ZNRF3: variants seen among roughly 807,000 people sequenced by gnomAD.
The protein encoded by ZNRF3 is E3 ubiquitin-protein ligase ZNRF3.
Under a neutral mutation model 72.5 loss-of-function variants are expected in ZNRF3, and 23 were observed. The ratio of observed to expected loss-of-function variants is 0.32; its 90% CI spans 0.23 to 0.45. The LOEUF (loss-of-function observed/expected upper bound fraction) is 0.45. Among genes scored for constraint, ZNRF3 ranks in the 20% least tolerant of loss-of-function variants. The pLI is 1.00. For missense variants in ZNRF3, 1,169 were observed against 1,272.1 expected (o/e 0.92, Z 1.23); for synonymous variants, 610 against 545.3 (o/e 1.12, Z -1.65).
At chr22:28,920,809 C>A in intron 1 of ZNRF3, among the ~76,000 whole-genome samples, 1 of 152,212 alleles carries the variant, frequency 6.6e-6, no homozygotes, top group Non-Finnish European at 1.5e-5. Context: ...GAATCCTTAG[C>A]TGTAGGCTTT....
chr22:28,965,692 G>A (rs183403548), intron 1 of ZNRF3, among the ~76,000 whole-genome samples: 3 of 152,328 alleles, frequency 2.0e-5, no homozygotes, highest in Middle Eastern at 3.4e-3. Context: ...AGATAGAGAA[G>A]ACTCTGAAAG....
intron 1 of ZNRF3, among the ~76,000 whole-genome samples, 166 bp downstream of exon 1, chr22:28,884,232 G>C (rs2033725293): frequency 6.6e-6 from 1 of 151,696 alleles, no homozygotes; most frequent in Non-Finnish European, 1.5e-5. Context: ...GGCGGGACGC[G>C]GCCTCCGGGG....
chr22:28,967,287 C>A (rs2035486781), intron 1 of ZNRF3, among the ~76,000 whole-genome samples: 1 of 152,160 alleles, frequency 6.6e-6, no homozygotes, highest in Non-Finnish European at 1.5e-5. Context: ...AGTACAGTAA[C>A]ATGCTGTACA....
chr22:29,020,249 CTTTTTT>C (rs756716817), intron 2 of ZNRF3, among the ~76,000 whole-genome samples: 8 of 91,772 alleles, frequency 8.7e-5, no homozygotes, highest in Admixed American at 7.4e-4. Flanking sequence ...CACAACCATC[CTTTTTT>C]TTTTTTTTTT....
intron 1 of ZNRF3, among the ~76,000 whole-genome samples, chr22:28,936,581 G>A (rs1021837924): frequency 1.3e-5 from 2 of 152,128 alleles, no homozygotes; most frequent in East Asian, 1.9e-4. Context: ...CCCAGGAAGT[G>A]CCCTGAGTAG....
chr22:28,918,334 A>T (rs1238775280), intron 1 of ZNRF3, among the ~76,000 whole-genome samples: 1 of 152,088 alleles, frequency 6.6e-6, no homozygotes, highest in African/African-American at 2.4e-5. Context: ...GAAGAATAAA[A>T]CCTGGAGTGG....
chr22:28,984,576 G>A (rs2035820729), intron 1 of ZNRF3, among the ~76,000 whole-genome samples: 1 of 152,162 alleles, frequency 6.6e-6, no homozygotes, highest in African/African-American at 2.4e-5. Context: ...AAGTTGTGTG[G>A]CCAGGTTAAA....
chr22:28,972,072 C>G (rs2123814331), intron 1 of ZNRF3, among the ~76,000 whole-genome samples: 1 of 152,236 alleles, frequency 6.6e-6, no homozygotes, highest in East Asian at 1.9e-4. Flanking sequence ...CCTTTTCTCC[C>G]CATTTACCAT....
At chr22:29,009,472 A>G (rs1447666187) in intron 2 of ZNRF3, among the ~76,000 whole-genome samples, 1 of 152,166 alleles carries the variant, frequency 6.6e-6, no homozygotes, top group East Asian at 1.9e-4. Context: ...AGGCATGCAG[A>G]AGAGTAGTGC....
chr22:28,897,487 A>G (rs1226992300), intron 1 of ZNRF3, among the ~76,000 whole-genome samples: 1 of 151,998 alleles, frequency 6.6e-6, no homozygotes, highest in Non-Finnish European at 1.5e-5. Context: ...CGCCCTGCTA[A>G]TTTTTGTATT....
intron 1 of ZNRF3, among the ~76,000 whole-genome samples, chr22:28,941,186 C>T (rs561086842): frequency 6.6e-6 from 1 of 152,192 alleles, no homozygotes; most frequent in East Asian, 1.9e-4. Flanking sequence ...TGGTGGCAGC[C>T]AGGGAGGGAA....
rs562767015 is a variant in ZNRF3 at position 28,883,637 on chromosome 22, C to G, written c.-130C>G. 3.3e-6 allele frequency: 3 copies of G among 910,366 alleles called. No individual in the cohort carries two copies. Among genetic ancestry groups the G allele is most frequent in the Non-Finnish European group, 3.9e-6 (3 of 760,964 alleles). 56.4% of individuals were successfully genotyped at this position (910,366 alleles called of 1,614,324 possible). ...GACGGCCGGGGGAGCCGAGCTGAGCCTGCGACCCACAAAGCCGCCGCCGCC... is the reference window on the plus strand; with the variant it reads ...GACGGCCGGGGGAGCCGAGCTGAGCGTGCGACCCACAAAGCCGCCGCCGCC... On this transcript the variant is annotated 5_prime_UTR_variant, in exon 1 of 9. Transcript: ENST00000544604. This position sits in a 1 kb window ranked among gnomAD's most constrained non-coding sequence, Gnocchi z 5.5.
intron 2 of ZNRF3, chr22:29,025,146 TA>T (rs1428723957): frequency 6.6e-6 from 1 of 152,058 alleles, no homozygotes; most frequent in African/African-American, 2.4e-5. Flanking sequence ...CACACCTGGC[TA>T]ATTTTTGTAT....
At chr22:29,045,706 A>C (rs2037056021) in intron 5 of ZNRF3, among the ~76,000 whole-genome samples, 1 of 151,966 alleles carries the variant, frequency 6.6e-6, no homozygotes, top group South Asian at 2.1e-4. Flanking sequence ...CAAACTCCTA[A>C]CCTCATGTGA....
chr22:29,050,652 A>G lies in ZNRF3; in HGVS notation c.2471A>G (p.Asp824Gly). 1 of 1,612,114 alleles carries G rather than the reference A, an allele frequency of 6.2e-7. No homozygotes were observed. The highest frequency in any genetic ancestry group is 8.5e-7 in the Non-Finnish European group (1 of 1,179,500). Reference protein sequence around the residue: ...PPPGCYPGARDLSQRIPIIPE... With the variant: ...PPPGCYPGARGLSQRIPIIPE... Reference sequence around the variant, plus strand: ...CCCGGCTGCTACCCCGGGGCCCGGGACCTGAGCCAGCGCATCCCCATCATT... The same window carrying G: ...CCCGGCTGCTACCCCGGGGCCCGGGGCCTGAGCCAGCGCATCCCCATCATT... Residue 824 changes from aspartate to glycine, a missense_variant, in exon 8 of 9, where the codon GAC becomes GGC. Coordinates refer to ENST00000544604, the MANE Select transcript of ZNRF3 (RefSeq NM_001206998.2).
intron 2 of ZNRF3, among the ~76,000 whole-genome samples, chr22:29,019,011 T>C (rs1207382754): frequency 6.6e-6 from 1 of 151,294 alleles, no homozygotes; most frequent in East Asian, 1.9e-4. Flanking sequence ...ACTCAAGTGT[T>C]TGGGGCCTCA....
At chr22:28,931,930 A>G (rs1016339245) in intron 1 of ZNRF3, among the ~76,000 whole-genome samples, 1 of 152,344 alleles carries the variant, frequency 6.6e-6, no homozygotes, top group Middle Eastern at 3.4e-3. Context: ...TGAGGTTCCT[A>G]TGGACAGAGA....
chr22:28,902,111 A>G (rs1428825779), intron 1 of ZNRF3, among the ~76,000 whole-genome samples: 2 of 151,258 alleles, frequency 1.3e-5, no homozygotes, highest in Admixed American at 1.3e-4. Flanking sequence ...GAATGTGTGT[A>G]TTTTTAGTAG....
intron 1 of ZNRF3, among the ~76,000 whole-genome samples, chr22:28,982,248 C>A (rs1463608622): frequency 6.6e-6 from 1 of 151,980 alleles, no homozygotes; most frequent in African/African-American, 2.4e-5. Context: ...GTCACTATAT[C>A]ATCTGATATT....
Sources: allele counts gnomAD v4.1 joint callset (sites outside exome capture counted in the v4.1 genomes callset), GRCh38; gene constraint gnomAD v4.1.1; non-coding constraint Gnocchi (gnomAD v3.1); transcripts MANE v1.5; gene names NCBI Gene and HGNC (gene_info 2026-07-23, HGNC 2026-07-21).